SGCZ: variants seen among roughly 807,000 people sequenced by gnomAD.
SGCZ encodes the protein zeta-sarcoglycan.
Under a neutral mutation model 41.3 loss-of-function variants are expected in SGCZ, and 40 were observed. That is an observed-to-expected ratio of 0.97 (90% CI 0.75 to 1.26). The LOEUF (loss-of-function observed/expected upper bound fraction) is 1.26, where lower values mean the gene tolerates loss of function less well. Among genes scored for constraint, SGCZ ranks in the 50% most tolerant of loss-of-function variants. The pLI is 0.00. For synonymous variants in SGCZ, 206 were observed against 137.5 expected (o/e 1.50, Z -3.49); for missense variants, 552 against 369.8 (o/e 1.49, Z -4.04).
rs150211238 is a variant in SGCZ at position 15,193,839 on chromosome 8, G to A, written c.39+43746C>T. 4.1e-3 allele frequency among the ~76,000 whole-genome samples: 625 copies of A among 152,154 alleles called. 4 individuals are homozygous for A. The highest frequency in any genetic ancestry group is 0.014 in the African/African-American group (592 of 41,504). ...GCCAAAGCAGAGAATCACAAACCAC[G>A]TTCTACTTATTTTTTACATTTATAA... On this transcript the variant is annotated intron_variant, in intron 1 of 7. Coordinates refer to ENST00000382080, the MANE Select transcript of SGCZ (RefSeq NM_139167.4).
intron 4 of SGCZ, among the ~76,000 whole-genome samples, chr8:14,212,667 A>C (rs1396429449): frequency 1.3e-5 from 2 of 152,054 alleles, no homozygotes; most frequent in Non-Finnish European, 2.9e-5. Context: ...AAAATTTGAA[A>C]ATTACTCATC....
intron 4 of SGCZ, among the ~76,000 whole-genome samples, chr8:14,179,668 G>A (rs891751302): frequency 1.3e-5 from 2 of 152,150 alleles, no homozygotes; most frequent in Non-Finnish European, 2.9e-5. Context: ...AGATACAGGG[G>A]CTGAGCACAG....
At chr8:14,654,323 C>G (rs1406057953) in intron 1 of SGCZ, among the ~76,000 whole-genome samples, 3 of 151,908 alleles carry the variant, frequency 2.0e-5, no homozygotes, top group Admixed American at 2.0e-4. Context: ...ATTTCTGATG[C>G]TACCTTGAGC....
intron 1 of SGCZ, among the ~76,000 whole-genome samples, chr8:14,789,818 T>A (rs1202992410): frequency 6.6e-6 from 1 of 152,160 alleles, no homozygotes; most frequent in Non-Finnish European, 1.5e-5. Context: ...TGGTATAAAC[T>A]TATACCACTT....
At chr8:14,186,720 T>C (rs970648809) in intron 4 of SGCZ, among the ~76,000 whole-genome samples, 1 of 152,190 alleles carries the variant, frequency 6.6e-6, no homozygotes, top group Non-Finnish European at 1.5e-5. Flanking sequence ...ATGAAAGCTT[T>C]ATTTGCCACA....
chr8:15,122,109 T>C (rs1038947537), intron 1 of SGCZ, among the ~76,000 whole-genome samples: 2 of 151,962 alleles, frequency 1.3e-5, no homozygotes, highest in African/African-American at 4.8e-5. Flanking sequence ...TTTGATAAAA[T>C]AATTCCAGAC....
chr8:15,174,118 T>C (rs1215176114), intron 1 of SGCZ, among the ~76,000 whole-genome samples: 1 of 152,166 alleles, frequency 6.6e-6, no homozygotes, highest in East Asian at 1.9e-4. Flanking sequence ...TAATGGATGT[T>C]AATAGTTCAA....
At chr8:15,158,048 C>G (rs1483557266) in intron 1 of SGCZ, among the ~76,000 whole-genome samples, 2 of 152,112 alleles carry the variant, frequency 1.3e-5, no homozygotes, top group South Asian at 2.1e-4. Context: ...CTCACCACCC[C>G]CTTTCCTTTG....
chr8:14,946,712 G>C (rs987443514), intron 1 of SGCZ, among the ~76,000 whole-genome samples: 3 of 111,472 alleles, frequency 2.7e-5, no homozygotes, highest in Non-Finnish European at 5.4e-5. Flanking sequence ...CTCTTGCTTT[G>C]TTGCCCAGGC....
chr8:14,826,940 T>G (rs1308539759), intron 1 of SGCZ, among the ~76,000 whole-genome samples: 2 of 152,116 alleles, frequency 1.3e-5, no homozygotes, highest in African/African-American at 2.4e-5. Context: ...TTAGTTTAAT[T>G]AGATCCCATT....
intron 1 of SGCZ, among the ~76,000 whole-genome samples, chr8:14,606,316 C>A (rs924458797): frequency 6.8e-6 from 1 of 147,950 alleles, no homozygotes; most frequent in Non-Finnish European, 1.5e-5. Flanking sequence ...CTGTTACACT[C>A]CTTATTTGGT....
chr8:14,164,740 T>G (rs1804156523), intron 4 of SGCZ, 38 bp from the exon 5 acceptor site: 2 of 1,606,308 alleles, frequency 1.2e-6, no homozygotes, highest in Non-Finnish European at 1.7e-6. Context: ...GAAACTGGTA[T>G]GCAGGAAACC....
At chr8:14,423,839 C>T (rs975365200) in intron 2 of SGCZ, among the ~76,000 whole-genome samples, 1 of 152,090 alleles carries the variant, frequency 6.6e-6, no homozygotes, top group Non-Finnish European at 1.5e-5. Context: ...TCTCATTTTT[C>T]CCCCTTCCTT....
chr8:14,522,607 C>A (rs911073006), intron 2 of SGCZ, among the ~76,000 whole-genome samples: 2 of 151,706 alleles, frequency 1.3e-5, no homozygotes, highest in Non-Finnish European at 2.9e-5. Flanking sequence ...TGTCTTCGCT[C>A]TCTCATTTTT....
chr8:14,398,819 T>A (rs1256123765), intron 2 of SGCZ, among the ~76,000 whole-genome samples: 1 of 152,126 alleles, frequency 6.6e-6, no homozygotes, highest in Non-Finnish European at 1.5e-5. Context: ...AGAGCTCACA[T>A]AGCAGGTGGC....
intron 1 of SGCZ, among the ~76,000 whole-genome samples, chr8:14,930,141 GA>G (rs985095475): frequency 9.2e-5 from 14 of 151,798 alleles, no homozygotes; most frequent in African/African-American, 3.4e-4. Flanking sequence ...AAATTTACAA[GA>G]AAAAAACAAA....
intron 3 of SGCZ, among the ~76,000 whole-genome samples, chr8:14,299,136 A>T (rs192920164): frequency 6.6e-6 from 1 of 152,164 alleles, no homozygotes; most frequent in East Asian, 1.9e-4. Context: ...GAAAAAGTAC[A>T]CATCAATCAC....
intron 1 of SGCZ, among the ~76,000 whole-genome samples, chr8:15,135,633 T>A (rs2116983545): frequency 6.6e-6 from 1 of 152,310 alleles, no homozygotes. Flanking sequence ...TCTTAGAAAT[T>A]GTGGCTCTGT....
At chr8:14,822,409 C>T (rs949857827) in intron 1 of SGCZ, among the ~76,000 whole-genome samples, 1 of 152,006 alleles carries the variant, frequency 6.6e-6, no homozygotes, top group Non-Finnish European at 1.5e-5. Context: ...ATGATCATAC[C>T]ACCCAAAGTG....
Sources: allele counts gnomAD v4.1 joint callset (sites outside exome capture counted in the v4.1 genomes callset), GRCh38; gene constraint gnomAD v4.1.1; transcripts MANE v1.5; gene names NCBI Gene and HGNC (gene_info 2026-07-23, HGNC 2026-07-21).